WWOX: variants seen among roughly 807,000 people sequenced by gnomAD.
WWOX encodes the protein WW domain-containing oxidoreductase.
WWOX carries 69 observed loss-of-function variants against 46.2 expected under a neutral mutation model. The observed-to-expected ratio is 1.49, with a 90% CI of 1.23 to 1.82. The LOEUF is 1.82. Among genes scored for constraint, WWOX ranks in the 40% most tolerant of loss-of-function variants. The pLI is 0.00. For missense variants in WWOX, 919 were observed against 542.6 expected (o/e 1.69, Z -6.89); for synonymous variants, 359 against 202.6 (o/e 1.77, Z -6.56).
At chr16:78,574,512 C>T (rs2044799544) in intron 8 of WWOX, among the ~76,000 whole-genome samples, 1 of 152,058 alleles carries the variant, frequency 6.6e-6, no homozygotes, top group Admixed American at 6.6e-5. Flanking sequence ...CTGAAAGCAA[C>T]AAGAAGCCCA....
At chr16:78,982,240 C>A (rs1015770757) in intron 8 of WWOX, among the ~76,000 whole-genome samples, 1 of 152,176 alleles carries the variant, frequency 6.6e-6, no homozygotes, top group Non-Finnish European at 1.5e-5. Flanking sequence ...TTCCTTCCAA[C>A]TGGTGTGTTT....
At chr16:79,202,561 C>G (rs909239587) in intron 8 of WWOX, 2 of 152,202 alleles carry the variant, frequency 1.3e-5, no homozygotes, top group Non-Finnish European at 2.9e-5. Flanking sequence ...GGGAGAAGGT[C>G]AGAGCTGGAG....
chr16:78,330,148 T>C (rs1164806142), intron 5 of WWOX, among the ~76,000 whole-genome samples: 1 of 152,174 alleles, frequency 6.6e-6, no homozygotes, highest in Non-Finnish European at 1.5e-5. Context: ...TTTGAAAACA[T>C]TCCTTAAAAA....
intron 6 of WWOX, among the ~76,000 whole-genome samples, chr16:78,419,413 A>T (rs949062126): frequency 6.6e-6 from 1 of 152,136 alleles, no homozygotes; most frequent in African/African-American, 2.4e-5. Flanking sequence ...TAATAAAGAC[A>T]GTGTCATATT....
chr16:78,518,595 CTT>C (rs946409828), intron 8 of WWOX, among the ~76,000 whole-genome samples: 1 of 152,156 alleles, frequency 6.6e-6, no homozygotes, highest in African/African-American at 2.4e-5. Context: ...ACAATGGAAA[CTT>C]ATAATTTTAG....
intron 8 of WWOX, among the ~76,000 whole-genome samples, chr16:78,590,709 C>T (rs1300476935): frequency 6.6e-6 from 1 of 152,132 alleles, no homozygotes; most frequent in Admixed American, 6.5e-5. Flanking sequence ...CACATCTCTA[C>T]GTTGTTGACG....
chr16:79,104,037 T>TGGGGGGGGGGGGG (rs58934537), intron 8 of WWOX, among the ~76,000 whole-genome samples: 2 of 38,324 alleles, frequency 5.2e-5, no homozygotes, highest in Admixed American at 4.2e-4. Flanking sequence ...TGCCCTTTTT[T>TGGGGGGGGGGGGG]GGGGGGGGGG....
At chr16:78,501,901 T>A (rs965744171) in intron 8 of WWOX, among the ~76,000 whole-genome samples, 3 of 152,038 alleles carry the variant, frequency 2.0e-5, no homozygotes, top group Admixed American at 2.0e-4. Flanking sequence ...GGGGTGGCAA[T>A]GAAAGGTGAA....
chr16:78,423,721 C>T (rs1350940642), intron 6 of WWOX, among the ~76,000 whole-genome samples: 2 of 151,774 alleles, frequency 1.3e-5, no homozygotes, highest in African/African-American at 2.4e-5. Flanking sequence ...TGGTGTGCCC[C>T]TGTAGTCCCA....
intron 4 of WWOX, among the ~76,000 whole-genome samples, chr16:78,131,801 G>A (rs1257114136): frequency 6.6e-6 from 1 of 151,188 alleles, no homozygotes; most frequent in African/African-American, 2.4e-5. Context: ...GGCCAGGACG[G>A]TGTTGAACTC....
chr16:78,911,566 A>T (rs563245468), intron 8 of WWOX, among the ~76,000 whole-genome samples: 202 of 152,136 alleles, frequency 1.3e-3, no homozygotes, highest in Middle Eastern at 0.01. Context: ...CCCAGTGGCA[A>T]TGTTGTAAGA....
intron 8 of WWOX, among the ~76,000 whole-genome samples, chr16:78,969,182 C>A (rs1280404462): frequency 6.6e-6 from 1 of 151,874 alleles, no homozygotes; most frequent in Non-Finnish European, 1.5e-5. Context: ...AATTCAGTCA[C>A]AAACCCTAGC....
intron 8 of WWOX, among the ~76,000 whole-genome samples, chr16:78,808,811 ACTG>A (rs1432529231): frequency 6.6e-6 from 1 of 152,128 alleles, no homozygotes; most frequent in East Asian, 1.9e-4. Flanking sequence ...ACTAGCCTAA[ACTG>A]CTATTTTATG....
intron 8 of WWOX, among the ~76,000 whole-genome samples, chr16:78,973,820 C>G (rs1210670899): frequency 6.6e-6 from 1 of 152,210 alleles, no homozygotes; most frequent in Non-Finnish European, 1.5e-5. Flanking sequence ...AGTGGGGGCA[C>G]CAGGGCTCAT....
chr16:78,389,166 T>C (rs935034002), intron 6 of WWOX, among the ~76,000 whole-genome samples: 7 of 152,208 alleles, frequency 4.6e-5, no homozygotes, highest in Non-Finnish European at 7.3e-5. Context: ...GTGTGTCCTT[T>C]GCAGCGCTTG....
chr16:79,049,406 T>C (rs896667907), intron 8 of WWOX, among the ~76,000 whole-genome samples: 2 of 152,108 alleles, frequency 1.3e-5, no homozygotes, highest in Admixed American at 6.5e-5. Context: ...GGGCTGGCAG[T>C]TGTAGGACGC....
intron 8 of WWOX, among the ~76,000 whole-genome samples, chr16:78,659,732 A>G (rs879625888): frequency 1.8e-4 from 28 of 152,148 alleles, no homozygotes; most frequent in South Asian, 2.1e-4. Context: ...AAAAATGACA[A>G]TGTTCATATA....
At chr16:79,164,336 A>G (rs2050548945) in intron 8 of WWOX, among the ~76,000 whole-genome samples, 1 of 152,136 alleles carries the variant, frequency 6.6e-6, no homozygotes, top group East Asian at 1.9e-4. Flanking sequence ...GGAGATGGCC[A>G]TGATTGCTTT....
intron 8 of WWOX, among the ~76,000 whole-genome samples, chr16:78,668,535 A>G (rs188610514): frequency 6.6e-5 from 10 of 152,296 alleles, no homozygotes; most frequent in South Asian, 2.1e-4. Flanking sequence ...GGAACAAACA[A>G]TTAGAACATT....
Sources: gnomAD v4.1 joint callset for allele counts (sites outside exome capture counted in the v4.1 genomes callset) on GRCh38, gnomAD v4.1.1 for gene constraint, MANE v1.5 for transcripts, NCBI Gene and HGNC (gene_info 2026-07-23, HGNC 2026-07-21) for gene names.